Variants in CHST9 observed in about 807,000 individuals in gnomAD.
The protein encoded by CHST9 is GalNAc-4-sulfotransferase 2.
CHST9 carries 41 observed loss-of-function variants against 44.4 expected under a neutral mutation model. The ratio of observed to expected loss-of-function variants is 0.92; its 90% confidence interval spans 0.72 to 1.20. The LOEUF (loss-of-function observed/expected upper bound fraction) is 1.20. CHST9 is among the 50% of genes most tolerant of loss of function. The pLI, the probability that CHST9 is intolerant of heterozygous loss-of-function variation, is 0.00. For synonymous variants in CHST9, 171 were observed against 178.4 expected (o/e 0.96, Z 0.33); for missense variants, 504 against 516.5 (o/e 0.98, Z 0.23).
intron 4 of CHST9, among the ~76,000 whole-genome samples, chr18:26,957,029 A>G (rs1418200029): frequency 6.6e-6 from 1 of 152,216 alleles, no homozygotes; most frequent in Admixed American, 6.5e-5. Flanking sequence ...GACATCAATG[A>G]GCTTCTAAAG....
At position 27,065,741 on chromosome 18, in the gene CHST9, T is replaced by C. The variant is rs75998722; in HGVS notation, c.122-17238A>G. 7.2e-3 allele frequency among the ~76,000 whole-genome samples: 1,101 copies of C among 152,256 alleles called. 15 individuals carry two copies. Among genetic ancestry groups the C allele is most frequent in the African/African-American group, 0.026 (1,062 of 41,544 alleles). Reference sequence around the variant, plus strand: ...ATACAATCAATAAGAAATTCCCTTTTTAGGAAACGAAAAGAAAATACTTGG... The same window carrying C: ...ATACAATCAATAAGAAATTCCCTTTCTAGGAAACGAAAAGAAAATACTTGG... On this transcript the variant is annotated intron_variant, in intron 2 of 5. Coordinates refer to ENST00000618847, the MANE Select transcript of CHST9 (RefSeq NM_031422.6).
At chr18:27,032,597 G>GT (rs773248176) in intron 3 of CHST9, among the ~76,000 whole-genome samples, 2 of 152,124 alleles carry the variant, frequency 1.3e-5, no homozygotes, top group African/African-American at 2.4e-5. Context: ...GCACCTCAGG[G>GT]TTTGTTACTA....
chr18:27,122,953 G>C (rs16943297), intron 2 of CHST9, among the ~76,000 whole-genome samples: 10,300 of 152,268 alleles, frequency 0.068, 444 homozygotes, highest in East Asian at 0.14. Flanking sequence ...TCATGGTTTA[G>C]GTGAGGAGAC....
At chr18:26,996,917 C>T (rs1461424488) in intron 4 of CHST9, among the ~76,000 whole-genome samples, 4 of 152,188 alleles carry the variant, frequency 2.6e-5, no homozygotes, top group South Asian at 4.1e-4. Context: ...TTTCCTCTAT[C>T]GTCAGCAATA....
intron 3 of CHST9, among the ~76,000 whole-genome samples, chr18:27,026,145 T>C (rs546709254): frequency 6.6e-6 from 1 of 152,252 alleles, no homozygotes; most frequent in African/African-American, 2.4e-5. Flanking sequence ...AATATGAAGG[T>C]TGTGCAAATC....
chr18:27,007,966 A>G (rs1188530597), intron 4 of CHST9, among the ~76,000 whole-genome samples: 1 of 152,188 alleles, frequency 6.6e-6, no homozygotes, highest in Non-Finnish European at 1.5e-5. Context: ...AATACAGAGC[A>G]TTGCAAATGC....
chr18:27,153,588 G>GTGTA (rs1159122922), intron 1 of CHST9, among the ~76,000 whole-genome samples: 1 of 151,370 alleles, frequency 6.6e-6, no homozygotes, highest in East Asian at 1.9e-4. Flanking sequence ...GTGTGTGTGT[G>GTGTA]TGCCTTCTCT....
At chr18:27,086,582 G>A (rs554888881) in intron 2 of CHST9, among the ~76,000 whole-genome samples, 1 of 152,256 alleles carries the variant, frequency 6.6e-6, no homozygotes, top group South Asian at 2.1e-4. Context: ...ACTTGTCTAA[G>A]GTGACACTGC....
At chr18:27,125,515 T>C (rs1308813482) in intron 2 of CHST9, among the ~76,000 whole-genome samples, 1 of 152,190 alleles carries the variant, frequency 6.6e-6, no homozygotes, top group East Asian at 1.9e-4. Flanking sequence ...GGTTTCTCTC[T>C]AAATAAATTT....
At chr18:27,107,655 G>A (rs1012815082) in intron 2 of CHST9, among the ~76,000 whole-genome samples, 1 of 152,054 alleles carries the variant, frequency 6.6e-6, no homozygotes, top group Non-Finnish European at 1.5e-5. Context: ...GTCTTTAGCC[G>A]ACACTTCTCA....
chr18:27,181,204 A>G (rs1349891848), intron 1 of CHST9, among the ~76,000 whole-genome samples: 1 of 152,202 alleles, frequency 6.6e-6, no homozygotes. Context: ...CTAACAGTCC[A>G]CAGAACTAAC....
At chr18:27,064,245 T>C (rs1258156399) in intron 2 of CHST9, among the ~76,000 whole-genome samples, 1 of 149,792 alleles carries the variant, frequency 6.7e-6, no homozygotes, top group East Asian at 2.0e-4. Context: ...AGATCACACA[T>C]TTGTAATACC....
intron 4 of CHST9, among the ~76,000 whole-genome samples, chr18:27,006,761 A>G (rs1411108510): frequency 1.3e-5 from 2 of 152,130 alleles, no homozygotes; most frequent in African/African-American, 4.8e-5. Context: ...TCACATAAAA[A>G]CTGCAGAGAA....
At chr18:27,139,022 T>C (rs192246166) in intron 2 of CHST9, among the ~76,000 whole-genome samples, 299 of 152,320 alleles carry the variant, frequency 2.0e-3, no homozygotes, top group African/African-American at 6.6e-3. Context: ...TTGGATAGAT[T>C]TTAATTTCTC....
chr18:26,914,714 T>A lies in CHST9; in HGVS notation c.*1545A>T. The A allele has an allele frequency of 2.6e-6, 1 of 384,290 alleles. No homozygotes were observed. The highest frequency in any genetic ancestry group is 1.4e-4 in the South Asian group (1 of 6,904). The allele number at this position is 384,290 out of a possible 1,614,324, so 23.8% of individuals were successfully genotyped here. A position where few individuals can be genotyped will look rare whatever the true frequency, so the allele number is the denominator to read the frequency against. ...GAAGCAATTCATGAATACTCAGCCATGAAATAGAAAATCAAAATGAAATAA... is the reference window on the plus strand; with the variant it reads ...GAAGCAATTCATGAATACTCAGCCAAGAAATAGAAAATCAAAATGAAATAA... On this transcript the variant is annotated 3_prime_UTR_variant, in exon 6 of 6. Transcript: ENST00000618847.
chr18:27,174,355 C>T (rs568417026), intron 1 of CHST9, among the ~76,000 whole-genome samples: 1 of 151,954 alleles, frequency 6.6e-6, no homozygotes, highest in East Asian at 1.9e-4. Flanking sequence ...TTTGTTTCCT[C>T]GTGATTAGAC....
intron 5 of CHST9, among the ~76,000 whole-genome samples, chr18:26,929,581 G>T (rs1440316884): frequency 1.3e-5 from 2 of 152,156 alleles, no homozygotes; most frequent in Non-Finnish European, 2.9e-5. Flanking sequence ...TGACAGAGGT[G>T]GATGCTAATT....
chr18:27,034,460 T>TA (rs910835822), intron 3 of CHST9, among the ~76,000 whole-genome samples: 2 of 152,092 alleles, frequency 1.3e-5, no homozygotes, highest in East Asian at 1.9e-4. Flanking sequence ...TCAGAGAGCT[T>TA]AAAAAAAATT....
At chr18:27,091,106 T>C (rs1196126313) in intron 2 of CHST9, among the ~76,000 whole-genome samples, 1 of 152,220 alleles carries the variant, frequency 6.6e-6, no homozygotes, top group East Asian at 1.9e-4. Flanking sequence ...TTTGTTTGTG[T>C]CCTCTTTATT....
Sources: allele counts gnomAD v4.1 joint callset (sites outside exome capture counted in the v4.1 genomes callset), GRCh38; gene constraint gnomAD v4.1.1; transcripts MANE v1.5; gene names NCBI Gene and HGNC (gene_info 2026-07-23, HGNC 2026-07-21).